The following DPY19L3 variants were observed in gnomAD, a reference collection of about 807,000 sequenced individuals.
The protein encoded by DPY19L3 is dpy-19 like C-mannosyltransferase 3, also known as protein C-mannosyl-transferase DPY19L3.
In DPY19L3, 51 loss-of-function variants were observed where a neutral mutation model predicts 92.3. The observed-to-expected ratio is 0.55, with a 90% CI of 0.44 to 0.70. The LOEUF is 0.70. Among genes scored for constraint, DPY19L3 ranks in the 30% least tolerant of loss-of-function variants. The pLI is 0.00. For missense variants in DPY19L3, 706 were observed against 855.9 expected (o/e 0.82, Z 2.18); for synonymous variants, 309 against 315.2 (o/e 0.98, Z 0.21).
chr19:32,434,950 T>C (rs1969090363), intron 4 of DPY19L3, among the ~76,000 whole-genome samples: 2 of 152,224 alleles, frequency 1.3e-5, no homozygotes, highest in African/African-American at 4.8e-5. Flanking sequence ...TATCCATCCA[T>C]AACACTCCTG....
At position 32,437,260 on chromosome 19, in the gene DPY19L3, G is replaced by A; in HGVS notation, c.517G>A (p.Ala173Thr). Reference protein sequence around the residue: ...LFGLQAIYVTALYITSWLLSG... With the variant: ...LFGLQAIYVTTLYITSWLLSG... ...TGGGCTCCAGGCGATCTATGTCACA[G>A]CTCTCTACATAACCAGCTGGCTACT... Residue 173 changes from alanine to threonine, a missense_variant, in exon 6 of 19, where the codon GCT becomes ACT. Physicochemically the swap from Ala to Thr is moderately conservative, Grantham distance 58 (BLOSUM62 0). Transcript: ENST00000392250. The A allele has an allele frequency of 1.2e-6, 2 of 1,614,086 alleles. No individual in the cohort carries two copies. The highest frequency in any genetic ancestry group is 8.5e-7 in the Non-Finnish European group (1 of 1,180,008).
chr19:32,451,063 C>T (rs1050328652), intron 8 of DPY19L3, among the ~76,000 whole-genome samples: 5 of 151,988 alleles, frequency 3.3e-5, no homozygotes, highest in Admixed American at 1.3e-4. Context: ...TCAGACAATT[C>T]GGTTAGGAAT....
In DPY19L3 at chr19:32,436,209, G is replaced by A. The variant is rs556568546; in HGVS notation, c.329-237G>A. ...AGGACCTTGTGGTGGTGGTGGTGGT[G>A]GTTTCATTCCAGTTACAAAAGTTTT... On this transcript the variant is annotated intron_variant, in intron 4 of 18. Transcript: ENST00000392250. 2.0e-5 allele frequency among the ~76,000 whole-genome samples: 3 copies of A among 152,224 alleles called. No homozygotes were observed. In the South Asian group the frequency reaches 6.2e-4, roughly 32 times the overall value.
intron 3 of DPY19L3, chr19:32,411,895 G>A (rs1487670498): frequency 6.5e-6 from 1 of 153,008 alleles, no homozygotes; most frequent in Non-Finnish European, 1.5e-5. Flanking sequence ...TTAATTTTTT[G>A]AGATAGGGTA....
intron 12 of DPY19L3, among the ~76,000 whole-genome samples, chr19:32,459,003 CT>C (rs1195973438): frequency 6.6e-6 from 1 of 152,052 alleles, no homozygotes; most frequent in Admixed American, 6.6e-5. Flanking sequence ...CCTCTAGCTG[CT>C]TTTTTGTATT....
chr19:32,469,033 C>A (rs2145614291), intron 16 of DPY19L3: 1 of 325,002 alleles, frequency 3.1e-6, no homozygotes, highest in Non-Finnish European at 5.4e-6. Flanking sequence ...GGAAAATACC[C>A]ATTTGGAGAG....
intron 6 of DPY19L3, 23 bp downstream of exon 6, chr19:32,437,362 C>A: frequency 5.1e-6 from 8 of 1,576,600 alleles, no homozygotes; most frequent in Non-Finnish European, 6.0e-6. Context: ...CAGTATGCTT[C>A]TTTTTTTTCC....
chr19:32,463,409 A>G lies in DPY19L3; in HGVS notation c.1366A>G (p.Thr456Ala), dbSNP rs759089583. The change falls in exon 13 of 19, where the codon ACA becomes GCA. Residue 456 changes from threonine (T) to alanine (A), a missense_variant. By Grantham distance (58) the Thr-to-Ala change is moderately conservative (BLOSUM62 0). Transcript: ENST00000392250. ...QQSVGKMEKG[T>A]VDLKPETAYN... ...ATCCGTGGGTAAAATGGAAAAAGGCACAGTTGACCTGAAACCAGAAACTGC... is the reference window on the plus strand; with the variant it reads ...ATCCGTGGGTAAAATGGAAAAAGGCGCAGTTGACCTGAAACCAGAAACTGC... 6.2e-7 allele frequency: 1 copy of G among 1,613,916 alleles called. No individual in the cohort carries two copies. Among genetic ancestry groups the G allele is most frequent in the Non-Finnish European group, 8.5e-7 (1 of 1,179,830 alleles).
At chr19:32,441,685 A>G (rs1249949798) in intron 8 of DPY19L3, among the ~76,000 whole-genome samples, 1 of 151,990 alleles carries the variant, frequency 6.6e-6, no homozygotes, top group Non-Finnish European at 1.5e-5. Flanking sequence ...TTTAGTAGAG[A>G]CAGGGTTTTG....
intron 3 of DPY19L3, among the ~76,000 whole-genome samples, chr19:32,419,912 T>G (rs1214472510): frequency 1.4e-5 from 2 of 143,352 alleles, no homozygotes; most frequent in Non-Finnish European, 3.0e-5. Context: ...CAGGCTGGAG[T>G]GCAGAGGCAC....
rs150375387 is a variant in DPY19L3 at position 32,427,394 on chromosome 19, G to A, written c.238-5322G>A. The stretch of plus-strand genomic sequence containing the variant: ...AAATAAATATGCAATGATAAGGAAG[G>A]CAGTTCTCCTTTGGCTATAAGCACC... On this transcript the variant is annotated intron_variant, in intron 3 of 18. Transcript: ENST00000392250. 1.4e-4 allele frequency among the ~76,000 whole-genome samples: 22 copies of A among 152,244 alleles called. No homozygotes were observed. The East Asian group carries it at 4.1e-3, about 28-fold the overall frequency.
chr19:32,455,241 T>G (rs1401397511), intron 10 of DPY19L3, among the ~76,000 whole-genome samples: 1 of 152,170 alleles, frequency 6.6e-6, no homozygotes, highest in Non-Finnish European at 1.5e-5. Flanking sequence ...ACTACAAGTG[T>G]GCACCACCAC....
intron 3 of DPY19L3, among the ~76,000 whole-genome samples, chr19:32,415,230 G>A (rs182938387): frequency 2.0e-5 from 3 of 152,186 alleles, no homozygotes; most frequent in African/African-American, 7.2e-5. Context: ...AGAGCACTGT[G>A]GGAGCACATA....
intron 3 of DPY19L3, 117 bp from the exon 4 acceptor site, chr19:32,432,599 C>G: frequency 1.3e-6 from 1 of 798,384 alleles, no homozygotes; most frequent in South Asian, 1.9e-5. Flanking sequence ...TTTTTTGAGA[C>G]TATATTTTCA....
At chr19:32,441,999 A>T (rs902886249) in intron 8 of DPY19L3, among the ~76,000 whole-genome samples, 3 of 152,216 alleles carry the variant, frequency 2.0e-5, no homozygotes, top group Non-Finnish European at 2.9e-5. Context: ...AAGGATCCTG[A>T]GTTATAAAAC....
At chr19:32,474,958 A>C (rs1035588173) in intron 16 of DPY19L3, among the ~76,000 whole-genome samples, 1 of 152,146 alleles carries the variant, frequency 6.6e-6, no homozygotes, top group African/African-American at 2.4e-5. Flanking sequence ...ACCCTCAGCA[A>C]TATTTTTTGA....
chr19:32,409,191 A>G (rs1968090418), intron 2 of DPY19L3, among the ~76,000 whole-genome samples: 2 of 152,228 alleles, frequency 1.3e-5, no homozygotes, highest in South Asian at 2.1e-4. Flanking sequence ...AAAGAAAAAG[A>G]AATATACTCC....
chr19:32,436,930 G>T (rs941694492), intron 5 of DPY19L3, among the ~76,000 whole-genome samples: 1 of 151,688 alleles, frequency 6.6e-6, no homozygotes, highest in Non-Finnish European at 1.5e-5. Flanking sequence ...TGTGAATGAC[G>T]TATCATCAGA....
chr19:32,451,718 G>A (rs748013574), intron 8 of DPY19L3, among the ~76,000 whole-genome samples: 50 of 152,028 alleles, frequency 3.3e-4, no homozygotes, highest in Non-Finnish European at 1.3e-4. Flanking sequence ...GGCGTGTTTC[G>A]TGTATTCAAG....
Sources: gnomAD v4.1 joint callset for allele counts (sites outside exome capture counted in the v4.1 genomes callset) on GRCh38, gnomAD v4.1.1 for gene constraint, MANE v1.5 for transcripts, NCBI Gene and HGNC (gene_info 2026-07-23, HGNC 2026-07-21) for gene names.